CDH4: variants seen among roughly 807,000 people sequenced by gnomAD.
The protein encoded by CDH4 is cadherin 4, also known as cadherin-4.
Under a neutral mutation model 86.0 loss-of-function variants are expected in CDH4, and 33 were observed. The observed-to-expected ratio is 0.38, with a 90% CI of 0.29 to 0.51. CDH4 has a LOEUF of 0.51. Ranked by LOEUF, CDH4 falls within the 20% of genes least tolerant of loss-of-function variation. The pLI is 0.86. For missense variants in CDH4, 1,114 were observed against 1,307.4 expected (o/e 0.85, Z 2.28); for synonymous variants, 555 against 549.4 (o/e 1.01, Z -0.14).
chr20:61,422,373 G>A (rs934670280), intron 2 of CDH4, among the ~76,000 whole-genome samples: 3 of 132,290 alleles, frequency 2.3e-5, no homozygotes, highest in Admixed American at 8.8e-5. Context: ...GCAGTGAGCC[G>A]AGATCGTGCT....
intron 2 of CDH4, among the ~76,000 whole-genome samples, chr20:61,416,697 A>G (rs1220718024): frequency 6.6e-6 from 1 of 152,242 alleles, no homozygotes; most frequent in Non-Finnish European, 1.5e-5. Flanking sequence ...AGCTCTGCTC[A>G]GACCAGACCC....
chr20:61,622,006 G>T (rs543795635), intron 2 of CDH4, among the ~76,000 whole-genome samples: 1 of 152,328 alleles, frequency 6.6e-6, no homozygotes, highest in South Asian at 2.1e-4. Context: ...CCAGCAGCCG[G>T]TTGTTAATCT....
chr20:61,568,154 A>G (rs2086314321), intron 2 of CDH4, among the ~76,000 whole-genome samples: 1 of 152,116 alleles, frequency 6.6e-6, no homozygotes, highest in Non-Finnish European at 1.5e-5. Flanking sequence ...TCATGAGAAT[A>G]TAGTGTTGCA....
intron 2 of CDH4, among the ~76,000 whole-genome samples, chr20:61,450,664 G>A (rs1299545519): frequency 6.6e-6 from 1 of 151,916 alleles, no homozygotes; most frequent in Non-Finnish European, 1.5e-5. Context: ...CCGAGAAGGT[G>A]TCTGAGCTTG....
chr20:61,590,400 G>A (rs971581801), intron 2 of CDH4, among the ~76,000 whole-genome samples: 15 of 152,284 alleles, frequency 9.9e-5, no homozygotes, highest in African/African-American at 2.9e-4. Context: ...ACCTGCAGCA[G>A]GAGGGTCAGG....
At chr20:61,847,976 G>C (rs58013932) in intron 5 of CDH4, among the ~76,000 whole-genome samples, 5,683 of 152,292 alleles carry the variant, frequency 0.037, 207 homozygotes, top group African/African-American at 0.082. Flanking sequence ...ATGAGATCTA[G>C]AAGGGACGGA....
intron 4 of CDH4, among the ~76,000 whole-genome samples, chr20:61,831,328 T>C (rs1008315845): frequency 5.3e-5 from 8 of 152,336 alleles, no homozygotes; most frequent in Middle Eastern, 6.8e-3. Flanking sequence ...CCAGGCTGAA[T>C]TTCAACTGAG....
chr20:61,455,980 AGGAT>A (rs139765371), intron 2 of CDH4, among the ~76,000 whole-genome samples: 504 of 151,932 alleles, frequency 3.3e-3, no homozygotes, highest in African/African-American at 0.012. Flanking sequence ...GAAGGATAGA[AGGAT>A]GGATGGATGG....
chr20:61,288,356 T>A (rs1009605420), intron 2 of CDH4, among the ~76,000 whole-genome samples: 1 of 152,208 alleles, frequency 6.6e-6, no homozygotes, highest in Non-Finnish European at 1.5e-5. Flanking sequence ...GACAACCTAA[T>A]GCCCTTGACA....
At chr20:61,773,423 A>C (rs2088802094) in intron 4 of CDH4, among the ~76,000 whole-genome samples, 1 of 152,078 alleles carries the variant, frequency 6.6e-6, no homozygotes, top group Non-Finnish European at 1.5e-5. Context: ...GTTACTTTCA[A>C]GTGGCTGCTG....
intron 4 of CDH4, among the ~76,000 whole-genome samples, chr20:61,788,590 C>G (rs1189624608): frequency 6.6e-6 from 1 of 152,246 alleles, no homozygotes; most frequent in Non-Finnish European, 1.5e-5. Flanking sequence ...CCCTCCTGGG[C>G]TCCCAGCCCG....
At chr20:61,908,403 C>T (rs767829529) in intron 8 of CDH4, among the ~76,000 whole-genome samples, 1 of 152,174 alleles carries the variant, frequency 6.6e-6, no homozygotes, top group Non-Finnish European at 1.5e-5. Context: ...TGTCTTTGTC[C>T]ACTGGTCTAA....
chr20:61,274,515 A>G (rs1373187736), intron 2 of CDH4, among the ~76,000 whole-genome samples: 329 of 84,896 alleles, frequency 3.9e-3, no homozygotes, highest in East Asian at 5.0e-3. Flanking sequence ...AGTATTGGGG[A>G]AGTACCATGT....
chr20:61,688,928 T>C (rs1001170688), intron 2 of CDH4, among the ~76,000 whole-genome samples: 1 of 152,246 alleles, frequency 6.6e-6, no homozygotes, highest in Non-Finnish European at 1.5e-5. Context: ...GATCTTCTCC[T>C]TTGTAGAAAG....
At chr20:61,426,195 T>C (rs1026854416) in intron 2 of CDH4, among the ~76,000 whole-genome samples, 18 of 152,238 alleles carry the variant, frequency 1.2e-4, no homozygotes, top group Non-Finnish European at 2.6e-4. Flanking sequence ...TTGTTTCTTT[T>C]TCATCTGAGA....
intron 2 of CDH4, among the ~76,000 whole-genome samples, chr20:61,291,460 A>G (rs892353393): frequency 3.9e-5 from 6 of 151,994 alleles, no homozygotes; most frequent in African/African-American, 1.5e-4. Flanking sequence ...TAGCTGTGTG[A>G]CCCCGGACAA....
chr20:61,853,420 T>TC (rs1338489156), intron 6 of CDH4, among the ~76,000 whole-genome samples: 3 of 151,982 alleles, frequency 2.0e-5, no homozygotes, highest in Non-Finnish European at 2.9e-5. Context: ...AGGCCCGGAC[T>TC]CCCCCCACAG....
At chr20:61,800,170 G>A (rs1205556341) in intron 4 of CDH4, among the ~76,000 whole-genome samples, 1 of 152,184 alleles carries the variant, frequency 6.6e-6, no homozygotes, top group East Asian at 1.9e-4. Context: ...GCAAGCAAGC[G>A]AGCGGCCTGC....
At chr20:61,398,720 A>G (rs904673185) in intron 2 of CDH4, among the ~76,000 whole-genome samples, 1 of 152,250 alleles carries the variant, frequency 6.6e-6, no homozygotes, top group Non-Finnish European at 1.5e-5. Context: ...CACCACATTC[A>G]GGCTGGGTAC....
Sources: allele counts gnomAD v4.1 joint callset (sites outside exome capture counted in the v4.1 genomes callset), GRCh38; gene constraint gnomAD v4.1.1; transcripts MANE v1.5; gene names NCBI Gene and HGNC (gene_info 2026-07-23, HGNC 2026-07-21).